The following SH3GL2 variants were observed in gnomAD, a reference collection of about 807,000 sequenced individuals.
The protein encoded by SH3GL2 is endophilin-A1.
A neutral mutation model predicts 46.0 loss-of-function variants in SH3GL2; 24 were observed. The observed-to-expected ratio is 0.52, with a 90% CI of 0.38 to 0.73. SH3GL2 has a LOEUF of 0.73. SH3GL2 is among the 30% of genes least tolerant of loss of function. The probability of loss-of-function intolerance (pLI) is 0.00; values close to 1 mark genes in which losing one functional copy is unlikely to be tolerated. For missense variants in SH3GL2, 413 were observed against 424.2 expected (o/e 0.97, Z 0.23); for synonymous variants, 196 against 147.1 (o/e 1.33, Z -2.40).
chr9:17,600,654 C>G (rs1195425257), intron 1 of SH3GL2, among the ~76,000 whole-genome samples: 2 of 152,216 alleles, frequency 1.3e-5, no homozygotes, highest in African/African-American at 4.8e-5. Flanking sequence ...TTCAGAACTA[C>G]AAACAGTTTT....
chr9:17,773,274 G>A (rs1259354197), intron 3 of SH3GL2, among the ~76,000 whole-genome samples: 1 of 152,148 alleles, frequency 6.6e-6, no homozygotes, highest in South Asian at 2.1e-4. Context: ...TTTTTACTCA[G>A]TTTCTAGTGT....
chr9:17,714,516 C>T (rs10963221), intron 1 of SH3GL2, among the ~76,000 whole-genome samples: 2,121 of 151,332 alleles, frequency 0.014, 64 homozygotes, highest in African/African-American at 0.048. Flanking sequence ...TTATATTGTT[C>T]ATAGCTATTT....
At chr9:17,700,191 C>T (rs753215887) in intron 1 of SH3GL2, among the ~76,000 whole-genome samples, 3 of 152,002 alleles carry the variant, frequency 2.0e-5, no homozygotes, top group Non-Finnish European at 4.4e-5. Context: ...TTCTTGTTTC[C>T]CCTCTCTAAG....
At chr9:17,749,900 C>G (rs1410285713) in intron 2 of SH3GL2, among the ~76,000 whole-genome samples, 1 of 152,058 alleles carries the variant, frequency 6.6e-6, no homozygotes, top group African/African-American at 2.4e-5. Context: ...ACTTTTATTT[C>G]AAAATATAGA....
chr9:17,739,839 G>A (rs1368820815), intron 1 of SH3GL2, among the ~76,000 whole-genome samples: 1 of 152,002 alleles, frequency 6.6e-6, no homozygotes, highest in Non-Finnish European at 1.5e-5. Context: ...TTTCACCTCG[G>A]GGAAATGGGG....
intron 1 of SH3GL2, among the ~76,000 whole-genome samples, chr9:17,603,620 G>A (rs1818709515): frequency 6.6e-6 from 1 of 152,138 alleles, no homozygotes; most frequent in Admixed American, 6.5e-5. Flanking sequence ...CAGCACTTTG[G>A]GAGGTCAAAG....
chr9:17,643,745 T>C (rs371965520), intron 1 of SH3GL2, among the ~76,000 whole-genome samples: 3 of 152,334 alleles, frequency 2.0e-5, no homozygotes, highest in East Asian at 1.9e-4. Flanking sequence ...CAGTATTTTA[T>C]TGAGCATTTT....
intron 3 of SH3GL2, among the ~76,000 whole-genome samples, chr9:17,780,121 A>G (rs148585542): frequency 1.3e-5 from 2 of 152,202 alleles, no homozygotes; most frequent in Non-Finnish European, 2.9e-5. Flanking sequence ...AAAGTACAAC[A>G]CATATATCAT....
At chr9:17,678,637 T>G (rs1270218155) in intron 1 of SH3GL2, among the ~76,000 whole-genome samples, 3 of 152,206 alleles carry the variant, frequency 2.0e-5, no homozygotes, top group African/African-American at 7.2e-5. Context: ...TTAGTTTAAT[T>G]AGATCCCATT....
At chr9:17,645,332 A>C (rs1819788549) in intron 1 of SH3GL2, among the ~76,000 whole-genome samples, 1 of 151,894 alleles carries the variant, frequency 6.6e-6, no homozygotes, top group Non-Finnish European at 1.5e-5. Context: ...TGCAATTTGC[A>C]AGTCTGTGCC....
In SH3GL2 at chr9:17,586,443, A is replaced by C. The variant is rs372927838; in HGVS notation, c.45+7156A>C. ...AACTAACCTTTCCCCATAGATACTA[A>C]TGGAAGCAGTTTTATAATGCTGAGA... On this transcript the variant is annotated intron_variant, in intron 1 of 8. Coordinates refer to ENST00000380607, the MANE Select transcript of SH3GL2 (RefSeq NM_003026.5). Among the ~76,000 whole-genome samples the C allele has an allele frequency of 1.4e-4, 22 of 152,298 alleles. 1 individual carries two copies. In the South Asian group the frequency reaches 4.6e-3, roughly 32 times the overall value.
intron 1 of SH3GL2, among the ~76,000 whole-genome samples, chr9:17,638,697 C>G (rs1819605063): frequency 6.6e-6 from 1 of 152,236 alleles, no homozygotes; most frequent in South Asian, 2.1e-4. Flanking sequence ...CCAGCCTCTA[C>G]TGTGGTTACC....
At chr9:17,649,650 T>C (rs1384142326) in intron 1 of SH3GL2, among the ~76,000 whole-genome samples, 2 of 152,244 alleles carry the variant, frequency 1.3e-5, no homozygotes, top group Non-Finnish European at 2.9e-5. Context: ...TTAGAGTAAC[T>C]GCAAATGAGG....
intron 3 of SH3GL2, among the ~76,000 whole-genome samples, chr9:17,784,194 A>G (rs1305941997): frequency 6.6e-6 from 1 of 152,168 alleles, no homozygotes; most frequent in African/African-American, 2.4e-5. Flanking sequence ...ATGAAAATAT[A>G]GAACATATCC....
intron 1 of SH3GL2, among the ~76,000 whole-genome samples, chr9:17,731,847 T>G (rs1414407787): frequency 1.3e-5 from 2 of 152,148 alleles, no homozygotes; most frequent in Non-Finnish European, 2.9e-5. Context: ...GGAGGAGCTA[T>G]GCTTTCCCTA....
At chr9:17,626,703 A>G (rs1819288650) in intron 1 of SH3GL2, among the ~76,000 whole-genome samples, 1 of 152,120 alleles carries the variant, frequency 6.6e-6, no homozygotes, top group East Asian at 1.9e-4. Flanking sequence ...CATTTTTTGG[A>G]GGAATGGCTC....
Position 17,700,190 on chromosome 9 carries a change from C to T in SH3GL2, c.46-46876C>T, listed in dbSNP as rs541581687. On this transcript the variant is annotated intron_variant, in intron 1 of 8. Coordinates refer to ENST00000380607, the MANE Select transcript of SH3GL2 (RefSeq NM_003026.5). ...TAGGGATTTATTATTTTTCTTGTTT[C>T]CCCTCTCTAAGTTGGTGTTGAATTG... 2.6e-5 allele frequency among the ~76,000 whole-genome samples: 4 copies of T among 152,178 alleles called. No individual in the cohort carries two copies. The South Asian group carries it at 8.3e-4, about 32-fold the overall frequency.
intron 8 of SH3GL2, among the ~76,000 whole-genome samples, chr9:17,794,135 C>T (rs928480216): frequency 1.3e-5 from 2 of 152,188 alleles, no homozygotes; most frequent in African/African-American, 4.8e-5. Context: ...TCAGGAATAT[C>T]GATGCATACC....
intron 1 of SH3GL2, among the ~76,000 whole-genome samples, chr9:17,714,149 T>G (rs1821693757): frequency 1.3e-5 from 2 of 151,758 alleles, no homozygotes; most frequent in South Asian, 4.1e-4. Context: ...CTAGAAATAG[T>G]CCTTACTATG....
Sources: gnomAD v4.1 joint callset for allele counts (sites outside exome capture counted in the v4.1 genomes callset) on GRCh38, gnomAD v4.1.1 for gene constraint, MANE v1.5 for transcripts, NCBI Gene and HGNC (gene_info 2026-07-23, HGNC 2026-07-21) for gene names.